CIB2: variants seen among roughly 807,000 people sequenced by gnomAD.
CIB2 encodes the protein calcium and integrin binding family member 2, also known as calcium and integrin-binding family member 2.
A neutral mutation model predicts 23.1 loss-of-function variants in CIB2; 19 were observed. The observed-to-expected ratio is 0.82, with a 90% CI of 0.57 to 1.21. The LOEUF is 1.21. CIB2 is among the 50% of genes most tolerant of loss of function. The pLI is 0.00. For synonymous variants in CIB2, 94 were observed against 91.7 expected (o/e 1.03, Z -0.14); for missense variants, 220 against 241.5 (o/e 0.91, Z 0.59).
At position 78,105,562 on chromosome 15, in the gene CIB2, C is replaced by A. The variant is rs1043040334; in HGVS notation, c.542+177G>T. ...AGGGGCCCCCAGGTCTTCAACCTTC[C>A]CCCTGCAGGGGACAAAGGCCAGTCA... On this transcript the variant is annotated intron_variant, in intron 5 of 5. Coordinates refer to ENST00000258930, the MANE Select transcript of CIB2 (RefSeq NM_006383.4). 1.4e-5 allele frequency: 21 copies of A among 1,483,246 alleles called. No individual in the cohort carries two copies. The African/African-American group carries it at 2.4e-4, about 17-fold the overall frequency. 91.9% of individuals were successfully genotyped at this position (1,483,246 alleles called of 1,614,324 possible).
intron 2 of CIB2, among the ~76,000 whole-genome samples, chr15:78,115,964 T>C (rs927527781): frequency 2.0e-5 from 3 of 152,012 alleles, no homozygotes; most frequent in Admixed American, 2.0e-4. Flanking sequence ...GTCCATGAGT[T>C]CTGCATATGT....
rs200402803 is a variant in CIB2 at position 78,109,344 on chromosome 15, G to A, written c.237C>T (p.Ser79=). ...AAGTGAGGTTCCCCTCACCATCCTC[G>A]GAAAACGCCGCCACGATCCTTTCTT... ...PFKERIVAAF[S]EDGEGNLTFN... Residue 79 remains serine, a synonymous_variant, in exon 4 of 6, where the codon TCC becomes TCT. Transcript: ENST00000258930. 43 of 1,614,062 alleles carry A rather than the reference G, an allele frequency of 2.7e-5. No homozygotes were observed. The East Asian group carries it at 5.6e-4, about 21-fold the overall frequency.
At chr15:78,109,807 C>CCAAA (rs2074128806) in intron 3 of CIB2, among the ~76,000 whole-genome samples, 1 of 87,228 alleles carries the variant, frequency 1.1e-5, no homozygotes, top group Non-Finnish European at 2.2e-5. Flanking sequence ...ACCATGTCTC[C>CCAAA]AAAAAAAAAA....
intron 2 of CIB2, among the ~76,000 whole-genome samples, chr15:78,119,437 A>G (rs1232332328): frequency 6.6e-6 from 1 of 152,156 alleles, no homozygotes; most frequent in Non-Finnish European, 1.5e-5. Flanking sequence ...TTGGGTATAT[A>G]CCCAGAAGTA....
chr15:78,109,205 A>G (rs1442558298), intron 4 of CIB2, 30 bp downstream of exon 4: 12 of 790,394 alleles, frequency 1.5e-5, no homozygotes, highest in Admixed American at 2.3e-5. Flanking sequence ...CCCACCGCAT[A>G]TTCAGGCCCC....
intron 2 of CIB2, among the ~76,000 whole-genome samples, chr15:78,112,591 A>G (rs1198471867): frequency 2.0e-5 from 3 of 152,138 alleles, no homozygotes; most frequent in Non-Finnish European, 4.4e-5. Flanking sequence ...GTGTCCATTA[A>G]GTGCTGCCAT....
intron 5 of CIB2, 153 bp from the exon 6 acceptor site, chr15:78,105,485 G>T: frequency 1.3e-6 from 2 of 1,516,108 alleles, no homozygotes; most frequent in Middle Eastern, 2.4e-4. Flanking sequence ...AACACTGGGG[G>T]AAGACGGAGG....
At chr15:78,127,012 CCTTTCTGAGCCTCA>C (rs2141919010) in intron 1 of CIB2, among the ~76,000 whole-genome samples, 1 of 152,172 alleles carries the variant, frequency 6.6e-6, no homozygotes, top group East Asian at 1.9e-4. Flanking sequence ...AAGTCATTCT[CCTTTCTGAGCCTCA>C]GTTTCTGCAT....
At chr15:78,109,203 A>G (rs1394495740) in intron 4 of CIB2, 32 bp downstream of exon 4, 6 of 769,746 alleles carry the variant, frequency 7.8e-6, no homozygotes, top group East Asian at 4.5e-5. Flanking sequence ...CCCCCACCGC[A>G]TATTCAGGCC....
chr15:78,109,389 A>G lies in CIB2; in HGVS notation c.199-7T>C, dbSNP rs1255124082. On this transcript the variant is annotated splice_region_variant and splice_polypyrimidine_tract_variant and intron_variant, in intron 3 of 5. Transcript: ENST00000258930. The stretch of plus-strand genomic sequence containing the variant: ...TTTCTTTGAAGGGATTCTCCTGAAG[A>G]AAACACACACAGCAATCACTGTGGG... 3 of 1,614,068 alleles carry G rather than the reference A, an allele frequency of 1.9e-6. No individual in the cohort carries two copies. In the East Asian group the frequency reaches 6.7e-5, roughly 36 times the overall value.
At chr15:78,110,751 A>G (rs1475684654) in intron 3 of CIB2, 1 of 456,748 alleles carries the variant, frequency 2.2e-6, no homozygotes, top group Non-Finnish European at 4.4e-6. Flanking sequence ...GTTTAAAATT[A>G]AATTTTAACA....
chr15:78,114,481 A>G (rs1425331520), intron 2 of CIB2, among the ~76,000 whole-genome samples: 1 of 152,216 alleles, frequency 6.6e-6, no homozygotes, highest in African/African-American at 2.4e-5. Context: ...ACCAGAAACC[A>G]TACTTACGCT....
At chr15:78,105,389 G>T in intron 5 of CIB2, 57 bp from the exon 6 acceptor site, 1 of 1,611,002 alleles carries the variant, frequency 6.2e-7, no homozygotes, top group Non-Finnish European at 8.5e-7. Flanking sequence ...GCAGGTAAAG[G>T]CTCCTCAGGG....
intron 4 of CIB2, among the ~76,000 whole-genome samples, 200 bp downstream of exon 4, chr15:78,109,035 G>A (rs986127144): frequency 3.3e-5 from 5 of 152,122 alleles, no homozygotes; most frequent in Admixed American, 2.6e-4. Flanking sequence ...TCCCTCCTTC[G>A]TTCTCAGGAC....
chr15:78,127,712 C>CCCAGCTCTAATGGAAATGGCTCTCCAT (rs1400415581), intron 1 of CIB2, among the ~76,000 whole-genome samples: 5 of 152,210 alleles, frequency 3.3e-5, no homozygotes, highest in African/African-American at 9.7e-5. Context: ...CATGGGCCCT[C>CCCAGCTCTAATGGAAATGGCTCTCCAT]CCAGCTCTAA....
At chr15:78,109,445 G>A in intron 3 of CIB2, 63 bp from the exon 4 acceptor site, 1 of 1,599,026 alleles carries the variant, frequency 6.3e-7, no homozygotes, top group Non-Finnish European at 8.5e-7. Context: ...CCCGGAGCCA[G>A]ACTGTGGACA....
In CIB2 at chr15:78,107,897, C is replaced by T. The variant is rs539677067; in HGVS notation, c.346+1338G>A. ...CTAGAAAGTGAAACGTCAGTCTGGG[C>T]GTGGTGGCTCACACCTGTAATCACA... is the stretch of plus-strand genomic sequence containing the variant. On this transcript the variant is annotated intron_variant, in intron 4 of 5. Coordinates refer to ENST00000258930, the MANE Select transcript of CIB2 (RefSeq NM_006383.4). Among the ~76,000 whole-genome samples the T allele has an allele frequency of 2.0e-4, 31 of 152,248 alleles. 1 individual carries two copies. Among genetic ancestry groups the T allele is most frequent in the Non-Finnish European group, 4.4e-5 (3 of 68,014 alleles).
intron 3 of CIB2, among the ~76,000 whole-genome samples, chr15:78,109,827 A>T (rs1230428415): frequency 6.6e-6 from 1 of 151,726 alleles, no homozygotes. Context: ...AAAAAAAAAA[A>T]ATGCTGAGCA....
intron 1 of CIB2, among the ~76,000 whole-genome samples, chr15:78,128,609 C>G (rs1450201615): frequency 1.3e-5 from 2 of 150,780 alleles, no homozygotes; most frequent in Non-Finnish European, 3.0e-5. Flanking sequence ...ACCTGGGAGG[C>G]GGAGCTGGGA....
Sources: gnomAD v4.1 joint callset for allele counts (sites outside exome capture counted in the v4.1 genomes callset) on GRCh38, gnomAD v4.1.1 for gene constraint, MANE v1.5 for transcripts, NCBI Gene and HGNC (gene_info 2026-07-23, HGNC 2026-07-21) for gene names.